Variants in POLR3F observed in about 807,000 individuals in gnomAD.
POLR3F encodes RNA polymerase III subunit F.
A neutral mutation model predicts 43.6 loss-of-function variants in POLR3F; 31 were observed. The observed-to-expected ratio is 0.71, with a 90% CI of 0.53 to 0.96. The LOEUF (loss-of-function observed/expected upper bound fraction) is 0.96. Ranked by LOEUF, POLR3F falls within the 40% of genes least tolerant of loss-of-function variation. The probability of loss-of-function intolerance (pLI) is 0.00; values close to 1 mark genes in which losing one functional copy is unlikely to be tolerated. For synonymous variants in POLR3F, 114 were observed against 132.5 expected, an observed-to-expected ratio of 0.86 and a Z score of 0.96; for missense variants, 316 against 391.7, an observed-to-expected ratio of 0.81 and a Z score of 1.63.
In POLR3F at chr20:18,483,703, TTTA is replaced by T; in HGVS notation, c.*148_*150del. 1 of 435,666 alleles carries T rather than the reference TTTA, an allele frequency of 2.3e-6. No homozygotes were observed. The highest frequency in any genetic ancestry group is 3.5e-5 in the East Asian group (1 of 28,540). 27.0% of individuals were successfully genotyped at this position (435,666 alleles called of 1,614,324 possible). On this transcript the variant is annotated 3_prime_UTR_variant, in exon 9 of 9. Coordinates refer to ENST00000377603, the MANE Select transcript of POLR3F (RefSeq NM_006466.4). ...CTTGCTGCTATGAAAACATATTTTT[TTTA>T]TTTATGAAGACTAAATTTATATTGG... is the stretch of plus-strand genomic sequence containing the variant.
chr20:18,470,311 C>A (rs987530816), intron 2 of POLR3F, among the ~76,000 whole-genome samples: 2 of 152,162 alleles, frequency 1.3e-5, no homozygotes, highest in African/African-American at 4.8e-5. Flanking sequence ...TTTCTTAAAC[C>A]TTTCCCATCA....
chr20:18,477,802 G>A (rs1180379342), intron 5 of POLR3F, among the ~76,000 whole-genome samples: 2 of 152,188 alleles, frequency 1.3e-5, no homozygotes, highest in African/African-American at 2.4e-5. Context: ...GGTGAAGCAT[G>A]AGAAATATTT....
rs1474974 is a variant in POLR3F at position 18,467,435 on chromosome 20, C to A, written c.-72C>A. On this transcript the variant is annotated 5_prime_UTR_variant, in exon 1 of 9. Coordinates refer to ENST00000377603, the MANE Select transcript of POLR3F (RefSeq NM_006466.4). ...AGCAGAGCGCTATCCTCCACTGGTT[C>A]CCCGGGTTCCCCGGCTTGCTACCGG... is the stretch of plus-strand genomic sequence containing the variant. 1,473,257 of 1,546,632 alleles carry A rather than the reference C, an allele frequency of 0.95. 703,541 individuals carry two copies. The highest frequency in any genetic ancestry group is 0.99 in the East Asian group (44,296 of 44,552).
At chr20:18,475,342 C>T (rs575678917) in intron 5 of POLR3F, among the ~76,000 whole-genome samples, 155 bp downstream of exon 5, 2 of 152,330 alleles carry the variant, frequency 1.3e-5, no homozygotes, top group East Asian at 3.9e-4. Flanking sequence ...CTTGTCCCTA[C>T]ACAGTTAGCT....
At position 18,483,613 on chromosome 20, in the gene POLR3F, ATAATT is replaced by A. The variant is rs1365066129; in HGVS notation, c.*61_*65del. The A allele has an allele frequency of 4.1e-6, 3 of 731,282 alleles. No homozygotes were observed. Among genetic ancestry groups the A allele is most frequent in the Non-Finnish European group, 6.8e-6 (3 of 444,430 alleles). The allele number at this position is 731,282 out of a possible 1,614,324, so 45.3% of individuals were successfully genotyped here. A position where few individuals can be genotyped will look rare whatever the true frequency, so the allele number is the denominator to read the frequency against. On this transcript the variant is annotated 3_prime_UTR_variant, in exon 9 of 9. Coordinates refer to ENST00000377603, the MANE Select transcript of POLR3F (RefSeq NM_006466.4). ...GCAAATGAAGTTACTTAGGGAGCAG[ATAATT>A]TAATTCATGATGGAACACGAAATCT...
chr20:18,472,829 T>C lies in POLR3F; in HGVS notation c.181-13T>C. 1 of 1,265,764 alleles carries C rather than the reference T, an allele frequency of 7.9e-7. No individual in the cohort carries two copies. The highest frequency in any genetic ancestry group is 1.1e-6 in the Non-Finnish European group (1 of 895,468). 78.4% of individuals were successfully genotyped at this position (1,265,764 alleles called of 1,614,324 possible). On this transcript the variant is annotated splice_polypyrimidine_tract_variant and intron_variant, in intron 2 of 8. Coordinates refer to ENST00000377603, the MANE Select transcript of POLR3F (RefSeq NM_006466.4). ...AATAACTGACTCCTGTTTTCTACTG[T>C]CTTAAAAACTAGGGTCAGTTGGATC...
intron 5 of POLR3F, among the ~76,000 whole-genome samples, chr20:18,478,614 T>C (rs944684759): frequency 5.9e-5 from 9 of 152,182 alleles, no homozygotes; most frequent in African/African-American, 2.2e-4. Context: ...CATGTAGTAA[T>C]GGATTAGACT....
chr20:18,468,518 A>AT (rs2059719470), intron 1 of POLR3F, among the ~76,000 whole-genome samples: 1 of 152,200 alleles, frequency 6.6e-6, no homozygotes. Context: ...GGTAGGTATA[A>AT]TTCCAAAAAC....
Position 18,467,681 on chromosome 20 carries a change from C to T in POLR3F, c.62+113C>T, listed in dbSNP as rs1271044317. 3 of 1,548,292 alleles carry T rather than the reference C, an allele frequency of 1.9e-6. No individual in the cohort carries two copies. In the African/African-American group the frequency reaches 4.1e-5, roughly 21 times the overall value. On this transcript the variant is annotated intron_variant, in intron 1 of 8. Transcript: ENST00000377603. ...GGCCGGAGCGGGTTAGGTGAGCACG[C>T]GGGAAAAACGATTGCGGGGTTCTGG...
At chr20:18,481,874 CAG>C in intron 8 of POLR3F, 64 bp downstream of exon 8, 2 of 1,033,066 alleles carry the variant, frequency 1.9e-6, no homozygotes, top group Non-Finnish European at 3.0e-6. Flanking sequence ...CATTAAGAAA[CAG>C]AGCAAGCACA....
intron 2 of POLR3F, among the ~76,000 whole-genome samples, chr20:18,472,385 T>C (rs1230620935): frequency 6.6e-6 from 1 of 152,136 alleles, no homozygotes; most frequent in African/African-American, 2.4e-5. Flanking sequence ...GTTTTCGCCA[T>C]GTTAGCCAGG....
Position 18,472,847 on chromosome 20 carries a change from G to T in POLR3F, c.186G>T (p.Gln62His). ...VAINRLLSMG[Q>H]LDLLRSNTGL... ...TCTACTGTCTTAAAAACTAGGGTCA[G>T]TTGGATCTCTTAAGGAGCAATACGG... The change falls in exon 3 of 9, where the codon CAG becomes CAT. Residue 62 changes from glutamine to histidine, a missense_variant. Physicochemically the swap from Gln to His is conservative, Grantham distance 24. Coordinates refer to ENST00000377603, the MANE Select transcript of POLR3F (RefSeq NM_006466.4). 7.0e-7 allele frequency: 1 copy of T among 1,428,022 alleles called. No homozygotes were observed. The highest frequency in any genetic ancestry group is 9.6e-7 in the Non-Finnish European group (1 of 1,036,992). The allele number at this position is 1,428,022 out of a possible 1,614,324, so 88.5% of individuals were successfully genotyped here.
At chr20:18,480,344 G>A (rs553473333) in intron 6 of POLR3F, 58 bp from the exon 7 acceptor site, 23 of 1,327,052 alleles carry the variant, frequency 1.7e-5, no homozygotes, top group African/African-American at 5.8e-5. Context: ...AGTATAAAGT[G>A]TATTCAGAAA....
At chr20:18,469,510 G>C (rs553398730) in intron 2 of POLR3F, 187 of 157,772 alleles carry the variant, frequency 1.2e-3, no homozygotes, top group Non-Finnish European at 2.0e-3. Context: ...GAGGGCAGAT[G>C]ATGGGACTCC....
At chr20:18,481,943 C>T (rs1483125452) in intron 8 of POLR3F, 133 bp downstream of exon 8, 6 of 579,064 alleles carry the variant, frequency 1.0e-5, no homozygotes, top group Middle Eastern at 4.6e-4. Flanking sequence ...CTCCATGAAA[C>T]CTTGATGAAC....
intron 2 of POLR3F, among the ~76,000 whole-genome samples, chr20:18,469,973 T>C (rs1462325411): frequency 6.6e-6 from 1 of 152,226 alleles, no homozygotes; most frequent in East Asian, 1.9e-4. Flanking sequence ...ATGAAGAATG[T>C]TGGGCTTTGG....
At chr20:18,471,253 A>G (rs944219527) in intron 2 of POLR3F, among the ~76,000 whole-genome samples, 5 of 152,166 alleles carry the variant, frequency 3.3e-5, no homozygotes, top group Non-Finnish European at 7.4e-5. Context: ...GTTTCGTGCC[A>G]CAGGACTCAT....
intron 2 of POLR3F, among the ~76,000 whole-genome samples, chr20:18,470,295 G>T (rs2059742122): frequency 6.6e-6 from 1 of 152,178 alleles, no homozygotes; most frequent in Non-Finnish European, 1.5e-5. Context: ...GGGGTCCGAT[G>T]AATCTTTTCT....
intron 1 of POLR3F, 91 bp from the exon 2 acceptor site, chr20:18,468,851 GCA>G (rs2059727210): frequency 5.7e-6 from 4 of 696,426 alleles, no homozygotes; most frequent in Admixed American, 2.2e-5. Flanking sequence ...TGTGAAAAAG[GCA>G]CAGTTTCAAA....
Sources: gnomAD v4.1 joint callset for allele counts (sites outside exome capture counted in the v4.1 genomes callset) on GRCh38, gnomAD v4.1.1 for gene constraint, MANE v1.5 for transcripts, NCBI Gene and HGNC (gene_info 2026-07-23, HGNC 2026-07-21) for gene names.